Variants in SLC5A3 observed in about 807,000 individuals in gnomAD.
The protein encoded by SLC5A3 is solute carrier family 5 member 3.
SLC5A3 carries 10 observed loss-of-function variants against 43.2 expected under a neutral mutation model. The observed-to-expected ratio is 0.23, with a 90% confidence interval of 0.14 to 0.39. The LOEUF is 0.39. Among genes scored for constraint, SLC5A3 ranks in the 10% least tolerant of loss-of-function variants. The pLI, the probability that SLC5A3 is intolerant of heterozygous loss-of-function variation, is 1.00. For missense variants in SLC5A3, 608 were observed against 893.4 expected (o/e 0.68, Z 4.07); for synonymous variants, 349 against 322.0 (o/e 1.08, Z -0.90).
chr21:34,097,487 TC>T lies in SLC5A3; in HGVS notation c.*133del, dbSNP rs1402559752. 3 of 1,438,508 alleles carry T rather than the reference TC, an allele frequency of 2.1e-6. No individual in the cohort carries two copies. The African/African-American group carries it at 4.3e-5, about 21-fold the overall frequency. 89.1% of individuals were successfully genotyped at this position (1,438,508 alleles called of 1,614,324 possible). A position where few individuals can be genotyped will look rare whatever the true frequency, so the allele number is the denominator to read the frequency against. ...TAGCCAAATTTTACTTAGCAGAAAA[TC>T]ATCTAATTACAAGACTTTATTTTCC... is the stretch of plus-strand genomic sequence containing the variant. On this transcript the variant is annotated 3_prime_UTR_variant, in exon 2 of 2. Coordinates refer to ENST00000381151, the MANE Select transcript of SLC5A3 (RefSeq NM_006933.7).
intron 1 of SLC5A3, among the ~76,000 whole-genome samples, chr21:34,087,495 A>T (rs959855265): frequency 6.6e-6 from 1 of 152,228 alleles, no homozygotes; most frequent in African/African-American, 2.4e-5. Context: ...GTTTACATAC[A>T]TGGTAGTGAG....
rs1418854941 is a variant in SLC5A3 at position 34,097,243 on chromosome 21, C to T, written c.2045C>T (p.Ala682Val). 1.2e-6 allele frequency: 2 copies of T among 1,613,962 alleles called. No homozygotes were observed. ...RSLRDLMEEE[A>V]VCLQMLEETR... Reference sequence around the variant, plus strand: ...CTCAGAGACCTGATGGAAGAGGAGGCTGTTTGTTTACAGATGCTAGAAGAG... The same window carrying T: ...CTCAGAGACCTGATGGAAGAGGAGGTTGTTTGTTTACAGATGCTAGAAGAG... Residue 682 changes from alanine to valine, a missense_variant, in exon 2 of 2, where the codon GCT becomes GTT. By Grantham distance (64) the Ala-to-Val change is moderately conservative. Around this residue, in one of 2 missense-constraint regions of SLC5A3, gnomAD observed 210 missense variants for 224.8 expected, o/e 0.93. Coordinates refer to ENST00000381151, the MANE Select transcript of SLC5A3 (RefSeq NM_006933.7).
At chr21:34,080,979 A>G (rs1021145943) in intron 1 of SLC5A3, among the ~76,000 whole-genome samples, 18 of 152,164 alleles carry the variant, frequency 1.2e-4, no homozygotes, top group African/African-American at 4.3e-4. Flanking sequence ...CCGTAAAATA[A>G]TTTAAATATC....
At position 34,099,637 on chromosome 21, in the gene SLC5A3, C is replaced by G. The variant is rs889293252; in HGVS notation, c.*2282C>G. ...TTCTCCCTTTATTTAACATTGAGTC[C>G]TAGTAGTTTGGAGAATTAGGGTCCC... On this transcript the variant is annotated 3_prime_UTR_variant, in exon 2 of 2. Coordinates refer to ENST00000381151, the MANE Select transcript of SLC5A3 (RefSeq NM_006933.7). 2.5e-5 allele frequency: 25 copies of G among 997,740 alleles called. No homozygotes were observed. The African/African-American group carries it at 4.2e-4, about 17-fold the overall frequency. The allele number at this position is 997,740 out of a possible 1,614,324, so 61.8% of individuals were successfully genotyped here.
intron 1 of SLC5A3, among the ~76,000 whole-genome samples, chr21:34,074,768 G>A (rs1989285329): frequency 6.6e-6 from 1 of 152,208 alleles, no homozygotes; most frequent in African/African-American, 2.4e-5. Flanking sequence ...AGGAGTGGAC[G>A]CATTTTTACG....
intron 1 of SLC5A3, among the ~76,000 whole-genome samples, chr21:34,083,285 ATG>A (rs1989500253): frequency 6.6e-6 from 1 of 152,206 alleles, no homozygotes; most frequent in African/African-American, 2.4e-5. Flanking sequence ...TTGCAAATCC[ATG>A]TGTCGTCTTT....
Position 34,103,337 on chromosome 21 carries a change from A to G in SLC5A3, c.*5982A>G. The G allele has an allele frequency of 2.0e-6, 2 of 986,106 alleles. No individual in the cohort carries two copies. Among genetic ancestry groups the G allele is most frequent in the Non-Finnish European group, 2.4e-6 (2 of 818,778 alleles). The allele number at this position is 986,106 out of a possible 1,614,324, so 61.1% of individuals were successfully genotyped here. A position where few individuals can be genotyped will look rare whatever the true frequency, so the allele number is the denominator to read the frequency against. ...AAGTAAAAAAAAAAAAAAAACATGC[A>G]TTACATTGACATACTTTATGTGCAG... On this transcript the variant is annotated 3_prime_UTR_variant, in exon 2 of 2. Transcript: ENST00000381151.
In SLC5A3 at chr21:34,104,726, G is replaced by A. The variant is rs542438890; in HGVS notation, c.*7371G>A. ...TGAGGGGAAGAAGATTACCAGAAGT[G>A]CAGGAAAGAGAAGTTTGAGGAACAC... On this transcript the variant is annotated 3_prime_UTR_variant, in exon 2 of 2. Transcript: ENST00000381151. 4.1e-5 allele frequency: 41 copies of A among 1,000,280 alleles called. No individual in the cohort carries two copies. In the African/African-American group the frequency reaches 7.0e-4, roughly 17 times the overall value. 62.0% of individuals were successfully genotyped at this position (1,000,280 alleles called of 1,614,324 possible).
In SLC5A3 at chr21:34,091,014, TTG is replaced by T. The variant is rs572986913; in HGVS notation, c.-336-3847_-336-3846del. On this transcript the variant is annotated intron_variant, in intron 1 of 1. Coordinates refer to ENST00000381151, the MANE Select transcript of SLC5A3 (RefSeq NM_006933.7). The stretch of plus-strand genomic sequence containing the variant: ...TTTTTGGTAGGTTACACAAAAGTGA[TTG>T]TAATTCAGGTAATTAGTTTTCAGAG... Among the ~76,000 whole-genome samples, 26 of 61,490 alleles carry T rather than the reference TTG, an allele frequency of 4.2e-4. No individual in the cohort carries two copies. In the East Asian group the frequency reaches 0.012, roughly 28 times the overall value. 40.3% of individuals were successfully genotyped at this position (61,490 alleles called of 152,430 possible). A position where few individuals can be genotyped will look rare whatever the true frequency, so the allele number is the denominator to read the frequency against.
chr21:34,092,515 A>T (rs1043850153), intron 1 of SLC5A3, among the ~76,000 whole-genome samples: 5 of 152,222 alleles, frequency 3.3e-5, no homozygotes, highest in Non-Finnish European at 5.9e-5. Context: ...CTGTGGGCAG[A>T]GCGACTTTAC....
At chr21:34,084,410 A>G (rs1202909725) in intron 1 of SLC5A3, among the ~76,000 whole-genome samples, 1 of 152,180 alleles carries the variant, frequency 6.6e-6, no homozygotes, top group Non-Finnish European at 1.5e-5. Flanking sequence ...AAAAACACAA[A>G]GTTGACCTGG....
chr21:34,080,633 T>A (rs1343087903), intron 1 of SLC5A3, among the ~76,000 whole-genome samples: 1 of 152,224 alleles, frequency 6.6e-6, no homozygotes, highest in African/African-American at 2.4e-5. Flanking sequence ...TGCATGAATC[T>A]CATCACGTCT....
Position 34,098,395 on chromosome 21 carries a change from A to C in SLC5A3, c.*1040A>C. On this transcript the variant is annotated 3_prime_UTR_variant, in exon 2 of 2. Transcript: ENST00000381151. The stretch of plus-strand genomic sequence containing the variant: ...CTACTTGATTAGATCATGATATATC[A>C]AGGTTGAATTTTTAGAGGGAAAATT... The C allele has an allele frequency of 1.0e-6, 1 of 1,000,284 alleles. No individual in the cohort carries two copies. The highest frequency in any genetic ancestry group is 1.2e-6 in the Non-Finnish European group (1 of 829,998). 62.0% of individuals were successfully genotyped at this position (1,000,284 alleles called of 1,614,324 possible).
intron 1 of SLC5A3, among the ~76,000 whole-genome samples, chr21:34,081,186 TC>T (rs1989451041): frequency 1.3e-5 from 2 of 152,118 alleles, no homozygotes. Flanking sequence ...TTTTAAACTT[TC>T]CACTTTAATG....
Position 34,097,147 on chromosome 21 carries a change from A to T in SLC5A3, c.1949A>T (p.Asp650Val), listed in dbSNP as rs769945510. The stretch of plus-strand genomic sequence containing the variant: ...AAAGAGAGAAAGAAAGAAACGGATG[A>T]TGGAGGTCGGTACTGGAAGTTCATA... Reference protein sequence around the residue: ...GEKERKKETDDGGRYWKFIDW... With the variant: ...GEKERKKETDVGGRYWKFIDW... Residue 650 changes from aspartate (D) to valine (V), a missense_variant, in exon 2 of 2, where the codon GAT (aspartate) becomes GTT (valine). By Grantham distance (152) the Asp-to-Val change is radical. Around this residue, in one of 2 missense-constraint regions of SLC5A3, gnomAD observed 210 missense variants for 224.8 expected, o/e 0.93. Transcript: ENST00000381151. The T allele has an allele frequency of 7.4e-6, 12 of 1,613,972 alleles. No individual in the cohort carries two copies. In the East Asian group the frequency reaches 1.8e-4, roughly 24 times the overall value.
Position 34,104,767 on chromosome 21 carries a change from A to G in SLC5A3, c.*7412A>G. 1 of 1,000,310 alleles carries G rather than the reference A, an allele frequency of 1.0e-6. No homozygotes were observed. Among genetic ancestry groups the G allele is most frequent in the Non-Finnish European group, 1.2e-6 (1 of 830,002 alleles). The allele number at this position is 1,000,310 out of a possible 1,614,324, so 62.0% of individuals were successfully genotyped here. On this transcript the variant is annotated 3_prime_UTR_variant, in exon 2 of 2. Transcript: ENST00000381151. The stretch of plus-strand genomic sequence containing the variant: ...TGAGGAACACCCTTGGCTTAGCAAC[A>G]TGTGATAATGCAAAGCTGTTATAAC...
rs2148662403 is a variant in SLC5A3 at position 34,103,757 on chromosome 21, C to T, written c.*6402C>T. 2.0e-6 allele frequency: 2 copies of T among 999,798 alleles called. No individual in the cohort carries two copies. The highest frequency in any genetic ancestry group is 9.4e-5 in the South Asian group (2 of 21,266). 61.9% of individuals were successfully genotyped at this position (999,798 alleles called of 1,614,324 possible). ...CTAAACTGGTCCTAATGGTAAGGGA[C>T]CCAAAGGAATAATCTCAATAAGTTT... is the stretch of plus-strand genomic sequence containing the variant. On this transcript the variant is annotated 3_prime_UTR_variant, in exon 2 of 2. Coordinates refer to ENST00000381151, the MANE Select transcript of SLC5A3 (RefSeq NM_006933.7).
Position 34,097,422 on chromosome 21 carries a change from T to G in SLC5A3, c.*67T>G. The G allele has an allele frequency of 3.7e-6, 5 of 1,356,862 alleles. No homozygotes were observed. The highest frequency in any genetic ancestry group is 3.8e-6 in the Non-Finnish European group (4 of 1,063,640). The allele number at this position is 1,356,862 out of a possible 1,614,324, so 84.1% of individuals were successfully genotyped here. A position where few individuals can be genotyped will look rare whatever the true frequency, so the allele number is the denominator to read the frequency against. On this transcript the variant is annotated 3_prime_UTR_variant, in exon 2 of 2. Coordinates refer to ENST00000381151, the MANE Select transcript of SLC5A3 (RefSeq NM_006933.7). ...CTGGTCTTTGGGGAAAAAAGTTATG[T>G]AACTGTGCATCTCTCAGGCATTGTT...
chr21:34,080,029 T>A (rs1989424520), intron 1 of SLC5A3, among the ~76,000 whole-genome samples: 1 of 152,230 alleles, frequency 6.6e-6, no homozygotes, highest in Admixed American at 6.5e-5. Flanking sequence ...TCTGCCCTAG[T>A]TGAACTGCTC....
Sources: allele counts gnomAD v4.1 joint callset (sites outside exome capture counted in the v4.1 genomes callset), GRCh38; gene constraint gnomAD v4.1.1; regional missense constraint gnomAD v4.1.1; transcripts MANE v1.5; gene names NCBI Gene and HGNC (gene_info 2026-07-23, HGNC 2026-07-21).